Variants in CAB39 observed in about 807,000 individuals in gnomAD.
CAB39 encodes calcium binding protein 39.
Under a neutral mutation model 40.0 loss-of-function variants are expected in CAB39, and 8 were observed. The ratio of observed to expected loss-of-function variants is 0.20; its 90% CI spans 0.12 to 0.36. The LOEUF (loss-of-function observed/expected upper bound fraction) is 0.36, where lower values mean the gene tolerates loss of function less well. Ranked by LOEUF, CAB39 falls within the 10% of genes least tolerant of loss-of-function variation. The probability of loss-of-function intolerance (pLI) is 1.00; values close to 1 mark genes in which losing one functional copy is unlikely to be tolerated. For synonymous variants in CAB39, 156 were observed against 141.6 expected, an observed-to-expected ratio of 1.10 and a Z score of -0.72; for missense variants, 270 against 401.1, an observed-to-expected ratio of 0.67 and a Z score of 2.79.
intron 1 of CAB39, among the ~76,000 whole-genome samples, chr2:230,755,032 GAGT>G (rs1355303964): frequency 6.6e-6 from 1 of 152,134 alleles, no homozygotes; most frequent in Admixed American, 6.5e-5. Context: ...TTTTATGGCT[GAGT>G]AGTAGTCCAT....
intron 1 of CAB39, among the ~76,000 whole-genome samples, chr2:230,739,121 C>G (rs145121181): frequency 6.6e-6 from 1 of 152,024 alleles, no homozygotes; most frequent in Admixed American, 6.6e-5. Context: ...TCTTATTTAC[C>G]GAAATGTGGG....
chr2:230,753,679 G>C (rs143486578), intron 1 of CAB39, among the ~76,000 whole-genome samples: 1 of 151,024 alleles, frequency 6.6e-6, no homozygotes, highest in Non-Finnish European at 1.5e-5. Flanking sequence ...AGGAGGTGGA[G>C]GTTATAGCAA....
At chr2:230,781,150 G>A (rs1300576014) in intron 2 of CAB39, among the ~76,000 whole-genome samples, 1 of 152,158 alleles carries the variant, frequency 6.6e-6, no homozygotes, top group Non-Finnish European at 1.5e-5. Flanking sequence ...TTCTGAGTGT[G>A]TTGACAAGTT....
chr2:230,748,829 AAAATATATATATATAT>A (rs1374626557), intron 1 of CAB39, among the ~76,000 whole-genome samples: 5,108 of 46,444 alleles, frequency 0.11, 365 homozygotes, highest in African/African-American at 0.14. Context: ...AAAAAAAAAA[AAAATATATATATATAT>A]ATATATATAT....
chr2:230,713,705 GA>G (rs1477068034), intron 1 of CAB39: 1 of 152,304 alleles, frequency 6.6e-6, no homozygotes, highest in Non-Finnish European at 1.5e-5. Flanking sequence ...TTCTGGTTAG[GA>G]ATTGGGCGGT....
chr2:230,780,432 CA>C (rs1320017420), intron 2 of CAB39, among the ~76,000 whole-genome samples: 12 of 152,284 alleles, frequency 7.9e-5, no homozygotes, highest in Admixed American at 6.5e-4. Context: ...TTTTCTGAAC[CA>C]AAATCTAATT....
intron 7 of CAB39, among the ~76,000 whole-genome samples, chr2:230,814,492 G>A (rs541394924): frequency 9.9e-5 from 15 of 152,278 alleles, no homozygotes; most frequent in South Asian, 2.1e-4. Context: ...GGCGATGTGC[G>A]TGTGAGGCTG....
At chr2:230,788,631 ACT>A (rs1695839026) in intron 2 of CAB39, among the ~76,000 whole-genome samples, 1 of 151,488 alleles carries the variant, frequency 6.6e-6, no homozygotes, top group Non-Finnish European at 1.5e-5. Flanking sequence ...TGTCTCAAAA[ACT>A]CTATTCCGCC....
chr2:230,770,135 A>G (rs1695457053), intron 2 of CAB39, among the ~76,000 whole-genome samples: 1 of 152,202 alleles, frequency 6.6e-6, no homozygotes, highest in Non-Finnish European at 1.5e-5. Flanking sequence ...AGCAAATTAA[A>G]TACAAAGTAA....
At chr2:230,793,425 T>C in intron 4 of CAB39, 94 bp downstream of exon 4, 1 of 548,484 alleles carries the variant, frequency 1.8e-6, no homozygotes, top group South Asian at 3.7e-5. Context: ...TGGGAAGCAT[T>C]TTCTCTGTAG....
chr2:230,819,712 T>C lies in CAB39; in HGVS notation c.*1008T>C, dbSNP rs1212498710. On this transcript the variant is annotated 3_prime_UTR_variant, in exon 9 of 9. Transcript: ENST00000258418. ...CTTTGTATTCAGTTACCTAATGGGG[T>C]GCCATCAATAAGCTGCGATACAGCC... 6.6e-6 allele frequency: 1 copy of C among 152,240 alleles called. No individual in the cohort carries two copies. The highest frequency in any genetic ancestry group is 1.5e-5 in the Non-Finnish European group (1 of 68,032). The allele number at this position is 152,240 out of a possible 1,614,324, so 9.4% of individuals were successfully genotyped here.
chr2:230,750,043 AC>A (rs1236052446), intron 1 of CAB39, among the ~76,000 whole-genome samples: 1 of 152,234 alleles, frequency 6.6e-6, no homozygotes, highest in Non-Finnish European at 1.5e-5. Flanking sequence ...AAATAATAGA[AC>A]TTCTTGTAGG....
intron 1 of CAB39, among the ~76,000 whole-genome samples, chr2:230,747,515 A>G (rs10498255): frequency 0.36 from 54,242 of 152,216 alleles, 13,509 homozygotes; most frequent in African/African-American, 0.71. Context: ...AAGTAAGAGA[A>G]CTTTGAGACT....
chr2:230,785,931 G>A (rs933062905), intron 2 of CAB39, among the ~76,000 whole-genome samples: 7 of 151,508 alleles, frequency 4.6e-5, no homozygotes, highest in African/African-American at 1.7e-4. Context: ...TTGGGAGGCC[G>A]AGGCAGGCGG....
chr2:230,725,645 CCATGCTGCCTCTACCACATG>C (rs1456250974), intron 1 of CAB39, among the ~76,000 whole-genome samples: 1 of 152,160 alleles, frequency 6.6e-6, no homozygotes, highest in African/African-American at 2.4e-5. Context: ...TTGCAACCTA[CCATGCTGCCTCTACCACATG>C]ATACTGGAAT....
chr2:230,754,997 GT>G lies in CAB39; in HGVS notation c.-43-4960del, dbSNP rs1306427830. 2.0e-5 allele frequency among the ~76,000 whole-genome samples: 3 copies of G among 152,156 alleles called. No individual in the cohort carries two copies. In the East Asian group the frequency reaches 5.8e-4, roughly 29 times the overall value. ...AATAATAGTCTCCAGTCTCATACAG[GT>G]TGCTGCAAATGCTGTTCATTCCTTT... On this transcript the variant is annotated intron_variant, in intron 1 of 8. Coordinates refer to ENST00000258418, the MANE Select transcript of CAB39 (RefSeq NM_016289.4).
At chr2:230,748,831 A>ATATATATATATAT (rs1553669220) in intron 1 of CAB39, among the ~76,000 whole-genome samples, 12 of 28,482 alleles carry the variant, frequency 4.2e-4, no homozygotes, top group Non-Finnish European at 6.4e-4. Flanking sequence ...AAAAAAAAAA[A>ATATATATATATAT]ATATATATAT....
intron 2 of CAB39, among the ~76,000 whole-genome samples, chr2:230,774,821 A>G (rs1161879972): frequency 6.6e-6 from 1 of 152,170 alleles, no homozygotes; most frequent in Non-Finnish European, 1.5e-5. Context: ...TCCTTAGTCC[A>G]TGATCATTCA....
intron 1 of CAB39, among the ~76,000 whole-genome samples, chr2:230,753,220 C>A (rs563943211): frequency 6.6e-6 from 1 of 152,142 alleles, no homozygotes; most frequent in Non-Finnish European, 1.5e-5. Flanking sequence ...AATGTCCATG[C>A]GGATTCAGCT....
Sources: gnomAD v4.1 joint callset for allele counts (sites outside exome capture counted in the v4.1 genomes callset) on GRCh38, gnomAD v4.1.1 for gene constraint, MANE v1.5 for transcripts, NCBI Gene and HGNC (gene_info 2026-07-23, HGNC 2026-07-21) for gene names.